The following BRD4 variants were observed in gnomAD, a reference collection of about 807,000 sequenced individuals.
The protein encoded by BRD4 is bromodomain-containing protein 4.
A neutral mutation model predicts 142.1 loss-of-function variants in BRD4; 16 were observed. The observed-to-expected ratio is 0.11, with a 90% CI of 0.08 to 0.17. The LOEUF (loss-of-function observed/expected upper bound fraction) is 0.17, where lower values mean the gene tolerates loss of function less well. Among genes scored for constraint, BRD4 ranks in the 10% least tolerant of loss-of-function variants. The pLI is 1.00. For missense variants in BRD4, 1,424 were observed against 1,810.9 expected, an observed-to-expected ratio of 0.79 and a Z score of 3.88; for synonymous variants, 833 against 707.5, an observed-to-expected ratio of 1.18 and a Z score of -2.82.
chr19:15,255,209 C>A, intron 10 of BRD4, 88 bp downstream of exon 10: 2 of 1,170,158 alleles, frequency 1.7e-6, no homozygotes, highest in Non-Finnish European at 1.2e-6. Context: ...AGGGGGGGGG[C>A]GCAGAAAGAG....
At chr19:15,265,299 G>A (rs986974081) in intron 5 of BRD4, 55 bp downstream of exon 5, 5 of 1,429,556 alleles carry the variant, frequency 3.5e-6, no homozygotes, top group Admixed American at 2.9e-5. Flanking sequence ...CACGGGCAAG[G>A]ACAGGGCCGC....
chr19:15,294,682 T>TC (rs1165008891), intron 1 of BRD4, among the ~76,000 whole-genome samples: 3 of 152,306 alleles, frequency 2.0e-5, no homozygotes, highest in South Asian at 4.2e-4. Flanking sequence ...TCTGCCAGGT[T>TC]CCCAGGGAAG....
intron 1 of BRD4, among the ~76,000 whole-genome samples, chr19:15,303,304 A>G (rs1299842892): frequency 2.6e-5 from 4 of 152,238 alleles, no homozygotes; most frequent in Non-Finnish European, 5.9e-5. Context: ...GCTACTGTTT[A>G]CAATATTTTT....
rs566323551 is a variant in BRD4, at chr19:15,306,194, C to T, written c.-35+26096G>A. Among the ~76,000 whole-genome samples the T allele has an allele frequency of 9.2e-5, 14 of 152,302 alleles. No homozygotes were observed. In the East Asian group the frequency reaches 1.5e-3, roughly 17 times the overall value. ...CTGGAGTCACACTTTTAATTTCCTT[C>T]GAGAACTCCTTTGCATTCACAATCT... On this transcript the variant is annotated intron_variant, in intron 1 of 19. Transcript: ENST00000679869.
At chr19:15,280,639 G>C (rs1050925403) in intron 1 of BRD4, among the ~76,000 whole-genome samples, 1 of 152,204 alleles carries the variant, frequency 6.6e-6, no homozygotes, top group African/African-American at 2.4e-5. Context: ...TAAGATGCCT[G>C]AGGGGACATG....
At chr19:15,279,372 A>G (rs533275404) in intron 1 of BRD4, among the ~76,000 whole-genome samples, 21 of 152,236 alleles carry the variant, frequency 1.4e-4, no homozygotes, top group Admixed American at 1.4e-3. Flanking sequence ...AAACCAGCTC[A>G]GAAAGTTTGA....
At chr19:15,290,485 C>G (rs1048428901) in intron 1 of BRD4, among the ~76,000 whole-genome samples, 2 of 152,050 alleles carry the variant, frequency 1.3e-5, no homozygotes, top group African/African-American at 4.8e-5. Flanking sequence ...AAAAGAAAAA[C>G]TCTCATCAAA....
Position 15,323,634 on chromosome 19 carries a change from C to G in BRD4, c.-35+8656G>C, listed in dbSNP as rs558426684. Among the ~76,000 whole-genome samples, 7 of 152,308 alleles carry G rather than the reference C, an allele frequency of 4.6e-5. 1 individual carries two copies. In the South Asian group the frequency reaches 1.2e-3, roughly 27 times the overall value. On this transcript the variant is annotated intron_variant, in intron 1 of 19. Coordinates refer to ENST00000679869, the MANE Select transcript of BRD4 (RefSeq NM_001379291.1). Reference sequence around the variant, plus strand: ...CAGACATTAGCAACACACAAGGACACGAGAATTACTAATTCACGTTTCTGA... The same window carrying G: ...CAGACATTAGCAACACACAAGGACAGGAGAATTACTAATTCACGTTTCTGA...
At chr19:15,252,749 G>C (rs2047361124) in intron 11 of BRD4, among the ~76,000 whole-genome samples, 1 of 152,238 alleles carries the variant, frequency 6.6e-6, no homozygotes, top group African/African-American at 2.4e-5. Flanking sequence ...AGTTGTGGTA[G>C]AGAATGTGGG....
At chr19:15,313,100 G>A (rs184914696) in intron 1 of BRD4, among the ~76,000 whole-genome samples, 21 of 152,138 alleles carry the variant, frequency 1.4e-4, no homozygotes, top group African/African-American at 3.9e-4. Context: ...GGCCGGGCAC[G>A]GTGGCTCACG....
At position 15,238,492 on chromosome 19, in the gene BRD4, C is replaced by A; in HGVS notation, c.4021-47G>T. The A allele has an allele frequency of 6.2e-7, 1 of 1,612,618 alleles. No individual in the cohort carries two copies. On this transcript the variant is annotated intron_variant, in intron 19 of 19. Transcript: ENST00000679869. The surrounding 1 kb of genome is among the most constrained non-coding windows in gnomAD (Gnocchi z 7.2). ...GAGTCAGGAGGATGACCTAGCCACC[C>A]TGCAGCTACAAGCCCTCATACCCGC...
chr19:15,281,789 G>A (rs1300087110), intron 1 of BRD4, among the ~76,000 whole-genome samples: 1 of 152,164 alleles, frequency 6.6e-6, no homozygotes, highest in Admixed American at 6.5e-5. Flanking sequence ...AGGCCGAGGC[G>A]GGTGGATTGC....
intron 1 of BRD4, among the ~76,000 whole-genome samples, chr19:15,278,088 A>G (rs1421777214): frequency 1.7e-5 from 2 of 120,682 alleles, no homozygotes; most frequent in African/African-American, 6.3e-5. Context: ...CCTGGGAGAC[A>G]GAGCAAGACT....
At chr19:15,273,927 C>T (rs1406581391) in intron 1 of BRD4, among the ~76,000 whole-genome samples, 1 of 151,458 alleles carries the variant, frequency 6.6e-6, no homozygotes, top group Non-Finnish European at 1.5e-5. Context: ...CTAGCACACA[C>T]TAGGCACCCT....
intron 1 of BRD4, among the ~76,000 whole-genome samples, chr19:15,290,736 A>G (rs1248630859): frequency 6.6e-6 from 1 of 152,098 alleles, no homozygotes; most frequent in Non-Finnish European, 1.5e-5. Context: ...TGCAGTTTTC[A>G]TGTTTCCAGT....
At chr19:15,329,792 GAAGT>G (rs1217417428) in intron 1 of BRD4, among the ~76,000 whole-genome samples, 3 of 152,138 alleles carry the variant, frequency 2.0e-5, no homozygotes, top group Non-Finnish European at 4.4e-5. Context: ...CTGTAAATCT[GAAGT>G]CATTCAATAA....
intron 1 of BRD4, among the ~76,000 whole-genome samples, chr19:15,312,151 G>A (rs1168763102): frequency 1.3e-5 from 2 of 152,306 alleles, no homozygotes; most frequent in East Asian, 3.9e-4. Flanking sequence ...TGGGTCAAAT[G>A]AAATGCCACA....
At chr19:15,326,070 CAGA>C (rs988906753) in intron 1 of BRD4, among the ~76,000 whole-genome samples, 4 of 137,842 alleles carry the variant, frequency 2.9e-5, no homozygotes, top group African/African-American at 1.1e-4. Context: ...CCAAAAATAG[CAGA>C]ATTAAGTTAT....
At chr19:15,308,343 C>G (rs1476155452) in intron 1 of BRD4, among the ~76,000 whole-genome samples, 1 of 149,466 alleles carries the variant, frequency 6.7e-6, no homozygotes, top group African/African-American at 2.5e-5. Flanking sequence ...AATCCCAGCA[C>G]TTTGGGAGGC....
Sources: gnomAD v4.1 joint callset for allele counts (sites outside exome capture counted in the v4.1 genomes callset) on GRCh38, gnomAD v4.1.1 for gene constraint, Gnocchi (gnomAD v3.1) non-coding constraint, MANE v1.5 for transcripts, NCBI Gene and HGNC (gene_info 2026-07-23, HGNC 2026-07-21) for gene names.